Variants in SLC31A1 observed in about 807,000 individuals in gnomAD.
SLC31A1 encodes the protein high affinity copper uptake protein 1.
A neutral mutation model predicts 17.2 loss-of-function variants in SLC31A1; 5 were observed. The observed-to-expected ratio is 0.29, with a 90% CI of 0.15 to 0.61. SLC31A1 has a LOEUF of 0.61. Among genes scored for constraint, SLC31A1 ranks in the 20% least tolerant of loss-of-function variants. SLC31A1 has a pLI of 0.86. For synonymous variants in SLC31A1, 76 were observed against 78.8 expected, an observed-to-expected ratio of 0.96 and a Z score of 0.19; for missense variants, 161 against 241.4, an observed-to-expected ratio of 0.67 and a Z score of 2.21.
Position 113,221,668 on chromosome 9 carries a change from G to A in SLC31A1, c.-46G>A, listed in dbSNP as rs1045470864. 1 of 318,132 alleles carries A rather than the reference G, an allele frequency of 3.1e-6. No homozygotes were observed. Among genetic ancestry groups the A allele is most frequent in the African/African-American group, 2.2e-5 (1 of 46,268 alleles). 19.7% of individuals were successfully genotyped at this position (318,132 alleles called of 1,614,324 possible). A position where few individuals can be genotyped will look rare whatever the true frequency, so the allele number is the denominator to read the frequency against. On this transcript the variant is annotated 5_prime_UTR_variant, in exon 1 of 5. Transcript: ENST00000374212. ...GAGAGAGGTGCTAGTGGCTGGACTT[G>A]ACCTGGAAAGGTAAGGCTTCTCTCG...
intron 1 of SLC31A1, among the ~76,000 whole-genome samples, chr9:113,225,006 A>T (rs1763530169): frequency 6.6e-6 from 1 of 152,260 alleles, no homozygotes; most frequent in Non-Finnish European, 1.5e-5. Flanking sequence ...GTAAGTACTC[A>T]GTGTTAATTG....
At position 113,258,775 on chromosome 9, in the gene SLC31A1, G is replaced by A; in HGVS notation, c.284G>A (p.Arg95His). Residue 95 changes from arginine (R) to histidine (H), a missense_variant, in exon 4 of 5, where the codon CGT becomes CAT. Coordinates refer to ENST00000374212, the MANE Select transcript of SLC31A1 (RefSeq NM_001859.4). The surrounding 1 kb of genome is among the most constrained non-coding windows in gnomAD (Gnocchi z 4.8). ...GLKIARESLL[R>H]KSQVSIRYNS... ...AAGATAGCCCGAGAGAGCCTGCTGC[G>A]TAAGTCACAAGTCAGCATTCGCTAC... 3 of 1,614,202 alleles carry A rather than the reference G, an allele frequency of 1.9e-6. No individual in the cohort carries two copies. Among genetic ancestry groups the A allele is most frequent in the South Asian group, 1.1e-5 (1 of 91,086 alleles).
At position 113,251,427 on chromosome 9, in the gene SLC31A1, AT is replaced by A. The variant is rs747143816; in HGVS notation, c.-35-4686del. The stretch of plus-strand genomic sequence containing the variant: ...ACAGAGTGAGACTCTATCTAAAAAA[AT>A]AAAAAATAAAAAATAAAAATAGAGC... On this transcript the variant is annotated intron_variant, in intron 1 of 4. Transcript: ENST00000374212. Among the ~76,000 whole-genome samples the A allele has an allele frequency of 7.9e-4, 106 of 133,730 alleles. 1 individual carries two copies. The highest frequency in any genetic ancestry group is 2.0e-3 in the African/African-American group (68 of 34,868). The allele number at this position is 133,730 out of a possible 152,430, so 87.7% of individuals were successfully genotyped here.
chr9:113,240,585 T>A (rs566063772), intron 1 of SLC31A1, among the ~76,000 whole-genome samples: 9 of 152,198 alleles, frequency 5.9e-5, no homozygotes. Context: ...ATCAAAAAGA[T>A]CAAGGTCCAT....
At chr9:113,246,535 T>C (rs1420410179) in intron 1 of SLC31A1, among the ~76,000 whole-genome samples, 1 of 151,584 alleles carries the variant, frequency 6.6e-6, no homozygotes, top group Non-Finnish European at 1.5e-5. Context: ...GTATTTTTAG[T>C]AGAGACAAGG....
chr9:113,233,903 ATTTC>A (rs1831426265), intron 1 of SLC31A1, among the ~76,000 whole-genome samples: 1 of 152,202 alleles, frequency 6.6e-6, no homozygotes, highest in South Asian at 2.1e-4. Context: ...AGCATTTATC[ATTTC>A]TTTGTATTGG....
chr9:113,241,734 A>G (rs572301060), intron 1 of SLC31A1, among the ~76,000 whole-genome samples: 81 of 152,314 alleles, frequency 5.3e-4, no homozygotes, highest in Non-Finnish European at 1.0e-3. Flanking sequence ...GTAGCATCCA[A>G]GAGGGGCTCA....
rs1293501289 is a variant in SLC31A1, at chr9:113,258,890, T to A, written c.371+28T>A. 6.2e-7 allele frequency: 1 copy of A among 1,611,954 alleles called. No individual in the cohort carries two copies. The highest frequency in any genetic ancestry group is 8.5e-7 in the Non-Finnish European group (1 of 1,178,126). ...AAGAACTGAACAGATCCAGATGAAG[T>A]CCTAAAGAACTCGATCAGTTAAGCA... On this transcript the variant is annotated intron_variant, in intron 4 of 4. Coordinates refer to ENST00000374212, the MANE Select transcript of SLC31A1 (RefSeq NM_001859.4). This position sits in a 1 kb window ranked among gnomAD's most constrained non-coding sequence, Gnocchi z 4.8.
intron 1 of SLC31A1, among the ~76,000 whole-genome samples, chr9:113,237,118 C>G (rs1387570017): frequency 6.6e-6 from 1 of 152,132 alleles, no homozygotes; most frequent in Non-Finnish European, 1.5e-5. Context: ...CACAGAATGC[C>G]AAAATGTAGC....
chr9:113,237,128 C>T (rs752206479), intron 1 of SLC31A1, among the ~76,000 whole-genome samples: 3 of 152,132 alleles, frequency 2.0e-5, no homozygotes, highest in Non-Finnish European at 4.4e-5. Flanking sequence ...CAAAATGTAG[C>T]CTAGAGCTTG....
intron 1 of SLC31A1, among the ~76,000 whole-genome samples, chr9:113,225,936 C>T (rs1778371073): frequency 6.6e-6 from 1 of 152,116 alleles, no homozygotes; most frequent in Non-Finnish European, 1.5e-5. Context: ...GAGTTCGAGA[C>T]CAGCCTGGCC....
At chr9:113,226,856 G>A (rs1411373061) in intron 1 of SLC31A1, among the ~76,000 whole-genome samples, 4 of 152,166 alleles carry the variant, frequency 2.6e-5, no homozygotes, top group African/African-American at 9.7e-5. Flanking sequence ...CATCTAGAAT[G>A]TAGTCATTTA....
intron 1 of SLC31A1, among the ~76,000 whole-genome samples, chr9:113,234,461 A>AC (rs1387526111): frequency 6.9e-6 from 1 of 145,218 alleles, no homozygotes; most frequent in African/African-American, 2.5e-5. Flanking sequence ...ACAGGCATGA[A>AC]CCACCGCTCC....
At chr9:113,230,694 C>A (rs945216197) in intron 1 of SLC31A1, among the ~76,000 whole-genome samples, 1 of 152,166 alleles carries the variant, frequency 6.6e-6, no homozygotes, top group African/African-American at 2.4e-5. Context: ...TTTATCATTT[C>A]TTTATGGTAA....
intron 1 of SLC31A1, 96 bp from the exon 2 acceptor site, chr9:113,256,018 C>A: frequency 2.2e-6 from 2 of 924,390 alleles, no homozygotes; most frequent in Non-Finnish European, 3.2e-6. Context: ...GCATTCCAGC[C>A]TGGGCAACAT....
intron 4 of SLC31A1, among the ~76,000 whole-genome samples, chr9:113,259,688 G>A (rs141940887): frequency 0.06 from 8,989 of 148,974 alleles, 307 homozygotes; most frequent in African/African-American, 0.083. Context: ...AGACTCAAGT[G>A]ATCCTCCCAC....
At position 113,260,291 on chromosome 9, in the gene SLC31A1, C is replaced by A. The variant is rs763862753; in HGVS notation, c.391C>A (p.Pro131Thr). Residue 131 changes from proline (P) to threonine (T), a missense_variant, in exon 5 of 5, where the codon CCT becomes ACT. Physicochemically the swap from Pro to Thr is conservative, Grantham distance 38 (BLOSUM62 -1). Coordinates refer to ENST00000374212, the MANE Select transcript of SLC31A1 (RefSeq NM_001859.4). ...CTCCAGGCAACAGATGCTGAGCTTT[C>A]CTCACCTCCTGCAAACAGTGCTGCA... ...KTVGQQMLSF[P>T]HLLQTVLHII... The A allele has an allele frequency of 6.8e-6, 11 of 1,613,968 alleles. No homozygotes were observed. In the Admixed American group the frequency reaches 1.8e-4, roughly 27 times the overall value.
intron 2 of SLC31A1, 149 bp from the exon 3 acceptor site, chr9:113,256,964 C>T (rs187119610): frequency 1.1e-3 from 805 of 700,394 alleles, no homozygotes; most frequent in Admixed American, 2.8e-3. Context: ...GTGGTGGTAA[C>T]GCTAACATGA....
Position 113,258,936 on chromosome 9 carries a change from C to T in SLC31A1, c.371+74C>T. The T allele has an allele frequency of 6.9e-7, 1 of 1,444,644 alleles. No individual in the cohort carries two copies. The highest frequency in any genetic ancestry group is 2.3e-5 in the East Asian group (1 of 44,000). 89.5% of individuals were successfully genotyped at this position (1,444,644 alleles called of 1,614,324 possible). ...AAGCAGCAAAGCGCAGCTGTGTGAT[C>T]AGCAGCAGCCCTCTTCTTGAGTTAG... On this transcript the variant is annotated intron_variant, in intron 4 of 4. Coordinates refer to ENST00000374212, the MANE Select transcript of SLC31A1 (RefSeq NM_001859.4). This position sits in a 1 kb window ranked among gnomAD's most constrained non-coding sequence, Gnocchi z 4.8.
Sources: gnomAD v4.1 joint callset for allele counts (sites outside exome capture counted in the v4.1 genomes callset) on GRCh38, gnomAD v4.1.1 for gene constraint, Gnocchi (gnomAD v3.1) non-coding constraint, MANE v1.5 for transcripts, NCBI Gene and HGNC (gene_info 2026-07-23, HGNC 2026-07-21) for gene names.